MICU3: variants seen among roughly 807,000 people sequenced by gnomAD.
MICU3 encodes the protein mitochondrial calcium uptake 3.
A neutral mutation model predicts 66.5 loss-of-function variants in MICU3; 62 were observed. The observed-to-expected ratio is 0.93, with a 90% confidence interval of 0.76 to 1.15. The LOEUF (loss-of-function observed/expected upper bound fraction) is 1.15, where lower values mean the gene tolerates loss of function less well. Among genes scored for constraint, MICU3 ranks in the 50% most tolerant of loss-of-function variants. The probability of loss-of-function intolerance (pLI) is 0.00; values close to 1 mark genes in which losing one functional copy is unlikely to be tolerated. For missense variants in MICU3, 779 were observed against 664.4 expected, an observed-to-expected ratio of 1.17 and a Z score of -1.90; for synonymous variants, 308 against 240.7, an observed-to-expected ratio of 1.28 and a Z score of -2.59.
At chr8:17,047,077 T>C (rs1815216181) in intron 1 of MICU3, among the ~76,000 whole-genome samples, 1 of 152,226 alleles carries the variant, frequency 6.6e-6, no homozygotes, top group Non-Finnish European at 1.5e-5. Context: ...ACTGAATGAT[T>C]GGATTCCTAA....
At chr8:17,049,583 C>T (rs2517022) in intron 1 of MICU3, 1 of 518,240 alleles carries the variant, frequency 1.9e-6, no homozygotes, top group East Asian at 5.5e-5. Flanking sequence ...CCAAGGTAAC[C>T]TAACTAGGAA....
chr8:17,028,734 G>C (rs1811477023), intron 1 of MICU3, among the ~76,000 whole-genome samples: 1 of 152,028 alleles, frequency 6.6e-6, no homozygotes, highest in Non-Finnish European at 1.5e-5. Flanking sequence ...ATAACATAAA[G>C]TCCTTTTACA....
At chr8:17,084,484 ACCCCT>A (rs1005867698) in intron 5 of MICU3, among the ~76,000 whole-genome samples, 1 of 151,664 alleles carries the variant, frequency 6.6e-6, no homozygotes, top group Admixed American at 6.6e-5. Context: ...TCAACTTTGT[ACCCCT>A]CCCCCCGGTC....
chr8:17,107,969 C>A (rs887453709), intron 11 of MICU3, among the ~76,000 whole-genome samples: 24 of 152,028 alleles, frequency 1.6e-4, no homozygotes, highest in African/African-American at 5.8e-4. Flanking sequence ...GGTGCCCAGG[C>A]AATAGATAAG....
chr8:17,125,621 G>A (rs1369558198), downstream of MICU3, among the ~76,000 whole-genome samples: 3 of 152,148 alleles, frequency 2.0e-5, no homozygotes, highest in Admixed American at 2.0e-4. Context: ...CGCCTGCCTG[G>A]CAGTTTAAAG....
intron 13 of MICU3, among the ~76,000 whole-genome samples, chr8:17,117,941 A>G (rs1242124569): frequency 6.6e-6 from 1 of 152,230 alleles, no homozygotes; most frequent in African/African-American, 2.4e-5. Flanking sequence ...AAAAAGTTAT[A>G]TATCCAAAAC....
At position 17,113,503 on chromosome 8, in the gene MICU3, T is replaced by A. The variant is rs1406617559; in HGVS notation, c.1258-590T>A. 5.3e-5 allele frequency among the ~76,000 whole-genome samples: 8 copies of A among 152,230 alleles called. No individual in the cohort carries two copies. The East Asian group carries it at 1.5e-3, about 29-fold the overall frequency. Reference sequence around the variant, plus strand: ...TTTACATTATCCCACACCAGCCCAGTGTGGAGGCACCCAGAACTGTACCTC... The same window carrying A: ...TTTACATTATCCCACACCAGCCCAGAGTGGAGGCACCCAGAACTGTACCTC... On this transcript the variant is annotated intron_variant, in intron 11 of 14. Transcript: ENST00000318063.
At chr8:17,094,072 T>C (rs1800389148) in intron 8 of MICU3, among the ~76,000 whole-genome samples, 1 of 152,026 alleles carries the variant, frequency 6.6e-6, no homozygotes, top group Admixed American at 6.6e-5. Context: ...TTACTTGCTT[T>C]GTTCTGTGGT....
At chr8:17,092,235 A>T (rs1344056726) in intron 8 of MICU3, among the ~76,000 whole-genome samples, 1 of 151,990 alleles carries the variant, frequency 6.6e-6, no homozygotes, top group Admixed American at 6.6e-5. Flanking sequence ...TCTAACTTTG[A>T]CAATTTTTAT....
chr8:17,058,977 T>C (rs1164914922), intron 1 of MICU3, among the ~76,000 whole-genome samples: 1 of 152,234 alleles, frequency 6.6e-6, no homozygotes, highest in African/African-American at 2.4e-5. Context: ...TTTTAGTTAA[T>C]GTTGGTAATC....
chr8:17,132,459 TC>T, the MICU3 span: 1 of 152,196 alleles, frequency 6.6e-6, no homozygotes, highest in Non-Finnish European at 1.5e-5. Context: ...ACTACACTTT[TC>T]TATTGCATAT....
intron 1 of MICU3, among the ~76,000 whole-genome samples, chr8:17,050,202 A>G (rs1004478044): frequency 1.3e-4 from 20 of 152,304 alleles, no homozygotes; most frequent in Middle Eastern, 3.4e-3. Context: ...ATGGTACGCT[A>G]AGATTTACTT....
chr8:17,036,676 T>C (rs1044021730), intron 1 of MICU3, among the ~76,000 whole-genome samples: 2 of 152,286 alleles, frequency 1.3e-5, no homozygotes, highest in Middle Eastern at 3.4e-3. Flanking sequence ...AGGGTGCTGA[T>C]TGGTGTGTTT....
At chr8:17,067,616 C>G (rs938342652) in intron 2 of MICU3, among the ~76,000 whole-genome samples, 1 of 151,926 alleles carries the variant, frequency 6.6e-6, no homozygotes, top group Non-Finnish European at 1.5e-5. Flanking sequence ...TTTTGCAGAG[C>G]TGGAGTTTCA....
At chr8:17,072,714 C>A (rs765141751) in intron 3 of MICU3, among the ~76,000 whole-genome samples, 1 of 151,814 alleles carries the variant, frequency 6.6e-6, no homozygotes, top group Non-Finnish European at 1.5e-5. Flanking sequence ...ACAATGGCCA[C>A]TGAATATATG....
chr8:17,029,578 A>G (rs777209430), intron 1 of MICU3, among the ~76,000 whole-genome samples: 1 of 152,206 alleles, frequency 6.6e-6, no homozygotes, highest in Non-Finnish European at 1.5e-5. Flanking sequence ...TTTAGAAGTC[A>G]AATAATGTTA....
In MICU3 at chr8:17,116,534, A is replaced by G. The variant is rs1474612979; in HGVS notation, c.1458A>G (p.Lys486=). 1 of 1,570,442 alleles carries G rather than the reference A, an allele frequency of 6.4e-7. No individual in the cohort carries two copies. The highest frequency in any genetic ancestry group is 2.1e-5 in the Admixed American group (1 of 47,880). The change falls in exon 13 of 15, where the codon AAA becomes AAG. Residue 486 remains lysine, a synonymous_variant. Transcript: ENST00000318063. ...TCTTCAAGATTTTTGATGTTGACAA[A>G]GATGATCAATTAAGTTATAAAGAAT... The part of the protein sequence containing the change: ...NTVFKIFDVD[K]DDQLSYKEFI...
chr8:17,027,474 G>A lies in MICU3; in HGVS notation c.195G>A (p.Gly65=), dbSNP rs1312660465. The A allele has an allele frequency of 3.1e-6, 4 of 1,287,726 alleles. No homozygotes were observed. Among genetic ancestry groups the A allele is most frequent in the Non-Finnish European group, 3.9e-6 (4 of 1,022,072 alleles). 79.8% of individuals were successfully genotyped at this position (1,287,726 alleles called of 1,614,324 possible). A position where few individuals can be genotyped will look rare whatever the true frequency, so the allele number is the denominator to read the frequency against. Residue 65 remains glycine (G), a synonymous_variant, in exon 1 of 15, where the codon GGG becomes GGA. Transcript: ENST00000318063. ...CATGGAGGCGGCGGCGGCGCTGGGG[G>A]GAGCTGAGCGTGGCGGCGGCGGCCG... The part of the protein sequence containing the change: ...EAAWRRRRRW[G]ELSVAAAAGG...
chr8:17,053,800 G>A lies in MICU3; in HGVS notation c.382-10284G>A, dbSNP rs531313641. Among the ~76,000 whole-genome samples, 8 of 152,278 alleles carry A rather than the reference G, an allele frequency of 5.3e-5. No individual in the cohort carries two copies. The South Asian group carries it at 1.5e-3, about 28-fold the overall frequency. On this transcript the variant is annotated intron_variant, in intron 1 of 14. Transcript: ENST00000318063. Reference sequence around the variant, plus strand: ...GAAGAAATAGAGCTTTCTAGAGGTAGAAAGAAGAAGATTCCCTAAACGTTT... The same window carrying A: ...GAAGAAATAGAGCTTTCTAGAGGTAAAAAGAAGAAGATTCCCTAAACGTTT...
Sources: gnomAD v4.1 joint callset for allele counts (sites outside exome capture counted in the v4.1 genomes callset) on GRCh38, gnomAD v4.1.1 for gene constraint, MANE v1.5 for transcripts, NCBI Gene and HGNC (gene_info 2026-07-23, HGNC 2026-07-21) for gene names.